The following PSG6 variants were observed in gnomAD, a reference collection of about 807,000 sequenced individuals.
PSG6 encodes pregnancy specific beta-1-glycoprotein 6.
A neutral mutation model predicts 43.3 loss-of-function variants in PSG6; 51 were observed. That is an observed-to-expected ratio of 1.18 (90% CI 0.94 to 1.49). PSG6 has a LOEUF of 1.49. Ranked by LOEUF, PSG6 falls within the 40% of genes most tolerant of loss-of-function variation. The pLI is 0.00. For missense variants in PSG6, 770 were observed against 522.2 expected (o/e 1.47, Z -4.62); for synonymous variants, 292 against 197.6 (o/e 1.48, Z -4.01).
Position 42,916,215 on chromosome 19 carries a change from G to T in PSG6, c.337C>A (p.Gln113Lys). The change falls in exon 2 of 6, where the codon CAG (glutamine) becomes AAG (lysine). Residue 113 changes from glutamine to lysine, a missense_variant. Transcript: ENST00000187910. ...NASLLIQNVT[Q>K]EDAGSYTLHI... ...AAGGTGTAGGATCCTGCATCCTCCT[G>T]TGTGACATTCTGGATCAGCAGGGAT... 1 of 1,612,244 alleles carries T rather than the reference G, an allele frequency of 6.2e-7. No individual in the cohort carries two copies. The highest frequency in any genetic ancestry group is 1.1e-5 in the South Asian group (1 of 90,638).
chr19:42,906,885 T>G, intron 5 of PSG6, 37 bp downstream of exon 5: 1 of 1,611,930 alleles, frequency 6.2e-7, no homozygotes, highest in Non-Finnish European at 8.5e-7. Context: ...AGACTCCACC[T>G]AAAACCCTAT....
rs1197195241 is a variant in PSG6 at position 42,916,116 on chromosome 19, A to G, written c.427+9T>C. On this transcript the variant is annotated intron_variant, in intron 2 of 5. Transcript: ENST00000187910. ...CCCCAACACCCAGGGATCATGCGGAATCACTCACAGTATAAGGTGACAGTG... is the reference window on the plus strand; with the variant it reads ...CCCCAACACCCAGGGATCATGCGGAGTCACTCACAGTATAAGGTGACAGTG... 2.5e-6 allele frequency: 4 copies of G among 1,610,196 alleles called. No individual in the cohort carries two copies. The highest frequency in any genetic ancestry group is 2.2e-5 in the East Asian group (1 of 44,770).
At chr19:42,908,666 G>T (rs12462903) in intron 3 of PSG6, among the ~76,000 whole-genome samples, 23,842 of 151,542 alleles carry the variant, frequency 0.16, 2,679 homozygotes, top group East Asian at 0.42. Flanking sequence ...GTGGACATTT[G>T]CAAATGCAGA....
At position 42,907,782 on chromosome 19, in the gene PSG6, G is replaced by A. The variant is rs756209221; in HGVS notation, c.779C>T (p.Thr260Ile). Residue 260 changes from threonine to isoleucine, a missense_variant, in exon 4 of 6, where the codon ACC (threonine) becomes ATC (isoleucine). Coordinates refer to ENST00000187910, the MANE Select transcript of PSG6 (RefSeq NM_001031850.4). ...PREKKDVLAF[T>I]CEPKSRNYTY... The stretch of plus-strand genomic sequence containing the variant: ...GTAGTTCCGACTCTTAGGTTCACAG[G>A]TGAAGGCTAACACATCCTTCTTCTC... 9.3e-6 allele frequency: 15 copies of A among 1,611,042 alleles called. No individual in the cohort carries two copies. The highest frequency in any genetic ancestry group is 1.1e-5 in the Non-Finnish European group (13 of 1,179,112).
chr19:42,906,602 T>A, intron 5 of PSG6: 1 of 1,352,042 alleles, frequency 7.4e-7, no homozygotes, highest in Non-Finnish European at 9.8e-7. Flanking sequence ...GATGTGTTCG[T>A]GACAGCGAGA....
At chr19:42,912,911 T>A (rs1220438610) in intron 2 of PSG6, among the ~76,000 whole-genome samples, 1 of 151,648 alleles carries the variant, frequency 6.6e-6, no homozygotes, top group African/African-American at 2.4e-5. Context: ...ACCACAAGTA[T>A]TCCCGTTAAG....
intron 5 of PSG6, 99 bp from the exon 6 acceptor site, chr19:42,902,545 A>T: frequency 6.6e-7 from 1 of 1,524,976 alleles, no homozygotes. Context: ...GTGTGAAAGC[A>T]AGTCTAGTTC....
At chr19:42,913,384 T>G (rs928966123) in intron 2 of PSG6, among the ~76,000 whole-genome samples, 6 of 151,900 alleles carry the variant, frequency 3.9e-5, no homozygotes, top group Admixed American at 6.6e-5. Flanking sequence ...TCTCCTGACC[T>G]TGTGCCCGCC....
chr19:42,915,386 C>A (rs948028520), intron 2 of PSG6: 5 of 152,032 alleles, frequency 3.3e-5, no homozygotes, highest in African/African-American at 1.2e-4. Flanking sequence ...TGCGTCAGAT[C>A]CCTGTGGACA....
At chr19:42,910,090 A>T (rs139850429) in intron 3 of PSG6, 3,837 of 206,278 alleles carry the variant, frequency 0.019, 213 homozygotes, top group African/African-American at 0.082. Flanking sequence ...AGTGGGTGAG[A>T]GTCTGTGAGG....
In PSG6 at chr19:42,902,111, C is replaced by T. The variant is rs1972043820; in HGVS notation, c.*301G>A. 3.2e-6 allele frequency: 1 copy of T among 308,106 alleles called. No homozygotes were observed. The highest frequency in any genetic ancestry group is 6.1e-6 in the Non-Finnish European group (1 of 162,994). The allele number at this position is 308,106 out of a possible 1,614,324, so 19.1% of individuals were successfully genotyped here. A position where few individuals can be genotyped will look rare whatever the true frequency, so the allele number is the denominator to read the frequency against. Reference sequence around the variant, plus strand: ...TGAACTTGTGCAAATAACTTTATTACCATAAACCTATGAATACTCATGAAT... The same window carrying T: ...TGAACTTGTGCAAATAACTTTATTATCATAAACCTATGAATACTCATGAAT... On this transcript the variant is annotated 3_prime_UTR_variant, in exon 6 of 6. Transcript: ENST00000187910.
intron 3 of PSG6, among the ~76,000 whole-genome samples, chr19:42,908,665 T>C (rs1815784210): frequency 6.6e-6 from 1 of 151,734 alleles, no homozygotes; most frequent in Non-Finnish European, 1.5e-5. Context: ...TGTGGACATT[T>C]GCAAATGCAG....
rs1458777369 is a variant in PSG6, at chr19:42,917,658, C to T, written c.64+71G>A. 7.6e-6 allele frequency: 12 copies of T among 1,587,304 alleles called. 1 individual carries two copies. The highest frequency in any genetic ancestry group is 3.4e-5 in the Admixed American group (2 of 59,334). On this transcript the variant is annotated intron_variant, in intron 1 of 5. Coordinates refer to ENST00000187910, the MANE Select transcript of PSG6 (RefSeq NM_001031850.4). ...CTTCTTTTATTTTTTAGAACCCCATCCTCTCCAGGATACCCCATCCAGTCA... is the reference window on the plus strand; with the variant it reads ...CTTCTTTTATTTTTTAGAACCCCATTCTCTCCAGGATACCCCATCCAGTCA...
chr19:42,910,793 G>C lies in PSG6; in HGVS notation c.493C>G (p.Arg165Gly). The C allele has an allele frequency of 1.9e-6, 3 of 1,612,270 alleles. No individual in the cohort carries two copies. The highest frequency in any genetic ancestry group is 1.1e-5 in the South Asian group (1 of 90,610). The change falls in exon 3 of 6, where the codon CGC becomes GGC. Residue 165 changes from arginine to glycine, a missense_variant. Coordinates refer to ENST00000187910, the MANE Select transcript of PSG6 (RefSeq NM_001031850.4). Reference sequence around the variant, plus strand: ...GGAGTCTCAGGATCACAGATTAAGCGCACAGCCTCCATGACCTCCCTGGGG... The same window carrying C: ...GGAGTCTCAGGATCACAGATTAAGCCCACAGCCTCCATGACCTCCCTGGGG... ...LNPREVMEAV[R>G]LICDPETPDA... is the part of the protein sequence containing the mutation.
At chr19:42,909,005 T>C (rs1358391945) in intron 3 of PSG6, among the ~76,000 whole-genome samples, 1 of 151,492 alleles carries the variant, frequency 6.6e-6, no homozygotes, top group African/African-American at 2.4e-5. Flanking sequence ...TCACACAGAT[T>C]ATCTCTTATG....
chr19:42,904,924 G>A (rs1285473648), intron 5 of PSG6, among the ~76,000 whole-genome samples: 3 of 151,622 alleles, frequency 2.0e-5, no homozygotes, highest in Non-Finnish European at 2.9e-5. Flanking sequence ...GTGTGGTACT[G>A]GCATAAAGGA....
chr19:42,917,505 G>T (rs1972360684), intron 1 of PSG6, among the ~76,000 whole-genome samples: 1 of 150,548 alleles, frequency 6.6e-6, no homozygotes, highest in African/African-American at 2.4e-5. Context: ...TGGGATTACA[G>T]GAGCACACCA....
chr19:42,915,324 TG>T (rs1251647711), intron 2 of PSG6: 3 of 151,748 alleles, frequency 2.0e-5, no homozygotes, highest in African/African-American at 2.4e-5. Flanking sequence ...ACAGTGGAGG[TG>T]TTCACACAAA....
rs370318851 is a variant in PSG6 at position 42,916,107 on chromosome 19, T to C, written c.427+18A>G. On this transcript the variant is annotated intron_variant, in intron 2 of 5. Transcript: ENST00000187910. ...ACCCCTGCCCCCCAACACCCAGGGA[T>C]CATGCGGAATCACTCACAGTATAAG... The C allele has an allele frequency of 3.6e-5, 58 of 1,608,764 alleles. 1 individual carries two copies. The African/African-American group carries it at 5.5e-4, about 15-fold the overall frequency.
Sources: gnomAD v4.1 joint callset for allele counts (sites outside exome capture counted in the v4.1 genomes callset) on GRCh38, gnomAD v4.1.1 for gene constraint, MANE v1.5 for transcripts, NCBI Gene and HGNC (gene_info 2026-07-23, HGNC 2026-07-21) for gene names.